DIS3L2: variants seen among roughly 807,000 people sequenced by gnomAD.
DIS3L2 encodes the protein DIS3-like exonuclease 2.
In DIS3L2, 34 loss-of-function variants were observed where a neutral mutation model predicts 97.5. That is an observed-to-expected ratio of 0.35 (90% CI 0.27 to 0.46). The LOEUF is 0.46. Among genes scored for constraint, DIS3L2 ranks in the 20% least tolerant of loss-of-function variants. The probability of loss-of-function intolerance (pLI) is 1.00; values close to 1 mark genes in which losing one functional copy is unlikely to be tolerated. For missense variants in DIS3L2, 1,038 were observed against 1,146.0 expected (o/e 0.91, Z 1.36); for synonymous variants, 435 against 445.2 (o/e 0.98, Z 0.29).
intron 8 of DIS3L2, among the ~76,000 whole-genome samples, chr2:232,158,368 C>G (rs1396601612): frequency 1.3e-5 from 2 of 151,988 alleles, no homozygotes; most frequent in African/African-American, 4.8e-5. Context: ...GAATCTTACT[C>G]TGTCTGATGA....
At chr2:231,976,004 A>G (rs1693080071) in intron 1 of DIS3L2, among the ~76,000 whole-genome samples, 1 of 151,996 alleles carries the variant, frequency 6.6e-6, no homozygotes, top group African/African-American at 2.4e-5. Flanking sequence ...ATACACACAC[A>G]CACACCCCTG....
At position 232,037,097 on chromosome 2, in the gene DIS3L2, G is replaced by A. The variant is rs1221417233; in HGVS notation, c.366+7017G>A. On this transcript the variant is annotated intron_variant, in intron 5 of 20. Transcript: ENST00000325385. The surrounding 1 kb of genome is among the most constrained non-coding windows in gnomAD (Gnocchi z 4.6). Reference sequence around the variant, plus strand: ...AGATCTGCTGCTCTCTTCAGAGCTGGCAGGCAGGAATGTTTAAGTCTGCTG... The same window carrying A: ...AGATCTGCTGCTCTCTTCAGAGCTGACAGGCAGGAATGTTTAAGTCTGCTG... 6.6e-6 allele frequency among the ~76,000 whole-genome samples: 1 copy of A among 152,238 alleles called. No homozygotes were observed. Among genetic ancestry groups the A allele is most frequent in the Admixed American group, 6.5e-5 (1 of 15,290 alleles).
At chr2:232,019,890 G>A (rs1297261300) in intron 3 of DIS3L2, among the ~76,000 whole-genome samples, 1 of 152,062 alleles carries the variant, frequency 6.6e-6, no homozygotes, top group Non-Finnish European at 1.5e-5. Context: ...GAAATGGGAA[G>A]GGTGAGAGAG....
chr2:232,236,153 C>A (rs926199387), intron 10 of DIS3L2, among the ~76,000 whole-genome samples: 10 of 152,032 alleles, frequency 6.6e-5, no homozygotes, highest in Middle Eastern at 3.2e-3. Context: ...ATCTTAAATT[C>A]TTTTCCTTGC....
intron 1 of DIS3L2, among the ~76,000 whole-genome samples, 183 bp downstream of exon 1, chr2:231,961,948 C>A (rs1692568181): frequency 6.6e-6 from 1 of 152,222 alleles, no homozygotes; most frequent in Non-Finnish European, 1.5e-5. Flanking sequence ...CCCTGTCCCG[C>A]ATCTCCCTCA....
intron 5 of DIS3L2, among the ~76,000 whole-genome samples, chr2:232,051,421 G>T (rs1261186551): frequency 6.6e-6 from 1 of 152,164 alleles, no homozygotes; most frequent in Non-Finnish European, 1.5e-5. Context: ...GGATAGGATT[G>T]TTTATTGTGA....
Position 232,325,945 on chromosome 2 carries a change from T to C in DIS3L2, c.1740-3868T>C, listed in dbSNP as rs919614312. ...CGTCCAGCAGCCCCAGTGCCCACTC[T>C]GCGCCCTTCGGGGCTCCCGTGGCCC... On this transcript the variant is annotated intron_variant, in intron 14 of 20. Transcript: ENST00000325385. This position sits in a 1 kb window ranked among gnomAD's most constrained non-coding sequence, Gnocchi z 4.6. Among the ~76,000 whole-genome samples, 6 of 152,222 alleles carry C rather than the reference T, an allele frequency of 3.9e-5. No homozygotes were observed. Among genetic ancestry groups the C allele is most frequent in the Non-Finnish European group, 7.4e-5 (5 of 68,010 alleles).
chr2:232,086,306 T>C (rs1243542319), intron 5 of DIS3L2, among the ~76,000 whole-genome samples: 3 of 146,930 alleles, frequency 2.0e-5, no homozygotes, highest in South Asian at 2.1e-4. Context: ...CATATATACA[T>C]ATGTATATGT....
At chr2:232,223,682 T>A (rs572911024) in intron 10 of DIS3L2, among the ~76,000 whole-genome samples, 12 of 152,326 alleles carry the variant, frequency 7.9e-5, no homozygotes, top group African/African-American at 2.6e-4. Flanking sequence ...GGGATAATAA[T>A]ATCTAACTCA....
downstream of DIS3L2, among the ~76,000 whole-genome samples, chr2:232,341,698 T>C (rs144145005): frequency 3.3e-5 from 5 of 152,226 alleles, no homozygotes; most frequent in African/African-American, 1.2e-4. Flanking sequence ...GACTGTAAAC[T>C]CTCTTTCCGC....
At chr2:232,117,539 T>C (rs1034121698) in intron 6 of DIS3L2, among the ~76,000 whole-genome samples, 1 of 152,194 alleles carries the variant, frequency 6.6e-6, no homozygotes, top group African/African-American at 2.4e-5. Context: ...CTAGCAAGTG[T>C]CAAATGAATC....
chr2:232,033,117 AGCAT>A (rs1369145566), intron 5 of DIS3L2, among the ~76,000 whole-genome samples: 1 of 152,188 alleles, frequency 6.6e-6, no homozygotes, highest in Non-Finnish European at 1.5e-5. Context: ...CCTATCTATG[AGCAT>A]GGAATATTTT....
At chr2:231,993,225 A>G (rs1223039214) in intron 1 of DIS3L2, among the ~76,000 whole-genome samples, 2 of 152,038 alleles carry the variant, frequency 1.3e-5, no homozygotes, top group African/African-American at 4.8e-5. Context: ...AAGCTAGAAA[A>G]TATGAAGTTA....
intron 20 of DIS3L2, 121 bp from the exon 21 acceptor site, chr2:232,336,348 G>A (rs957223195): frequency 1.0e-5 from 16 of 1,547,874 alleles, no homozygotes; most frequent in South Asian, 3.6e-5. Context: ...ACAGACAGGC[G>A]AGCAGAGGCT....
intron 14 of DIS3L2, among the ~76,000 whole-genome samples, chr2:232,311,892 T>C (rs1695143924): frequency 6.6e-6 from 1 of 152,206 alleles, no homozygotes; most frequent in Non-Finnish European, 1.5e-5. Flanking sequence ...TGTCTTTTGG[T>C]GCACATATGC....
chr2:232,188,075 G>C (rs1691496362), intron 9 of DIS3L2, among the ~76,000 whole-genome samples: 1 of 152,122 alleles, frequency 6.6e-6, no homozygotes, highest in Admixed American at 6.5e-5. Context: ...GGGAGGCGGA[G>C]GTTGCAATGA....
chr2:232,138,445 T>TA (rs1236697377), intron 8 of DIS3L2, among the ~76,000 whole-genome samples: 3 of 152,210 alleles, frequency 2.0e-5, no homozygotes, highest in African/African-American at 7.2e-5. Context: ...TTTATGGAAA[T>TA]ATGCCTTTTA....
chr2:232,201,529 G>T (rs1173026635), intron 9 of DIS3L2, among the ~76,000 whole-genome samples: 1 of 152,206 alleles, frequency 6.6e-6, no homozygotes, highest in Admixed American at 6.5e-5. Context: ...AGGCTAAAGA[G>T]ACATAACTAC....
chr2:232,070,873 C>T (rs185594211), intron 5 of DIS3L2, among the ~76,000 whole-genome samples: 13 of 152,250 alleles, frequency 8.5e-5, no homozygotes, highest in East Asian at 7.7e-4. Context: ...TGAGCCACTG[C>T]GCCCAGCCAG....
Sources: allele counts gnomAD v4.1 joint callset (sites outside exome capture counted in the v4.1 genomes callset), GRCh38; gene constraint gnomAD v4.1.1; non-coding constraint Gnocchi (gnomAD v3.1); transcripts MANE v1.5; gene names NCBI Gene and HGNC (gene_info 2026-07-23, HGNC 2026-07-21).